The following NPHP4 variants were observed in gnomAD, a reference collection of about 807,000 sequenced individuals.
NPHP4 encodes the protein nephrocystin 4.
Under a neutral mutation model 155.8 loss-of-function variants are expected in NPHP4, and 151 were observed. The observed-to-expected ratio is 0.97, with a 90% confidence interval of 0.85 to 1.11. The LOEUF is 1.11. Ranked by LOEUF, NPHP4 falls within the 50% of genes least tolerant of loss-of-function variation. The pLI, the probability that NPHP4 is intolerant of heterozygous loss-of-function variation, is 0.00. For missense variants in NPHP4, 1,956 were observed against 1,925.7 expected (o/e 1.02, Z -0.29); for synonymous variants, 845 against 816.8 (o/e 1.03, Z -0.59).
At chr1:5,974,086 G>A (rs1041498972) in intron 3 of NPHP4, among the ~76,000 whole-genome samples, 1 of 152,228 alleles carries the variant, frequency 6.6e-6, no homozygotes. Context: ...GTTTCACGTG[G>A]GTTATGCTGA....
At chr1:5,895,566 T>C (rs1644354332) in intron 16 of NPHP4, among the ~76,000 whole-genome samples, 1 of 152,084 alleles carries the variant, frequency 6.6e-6, no homozygotes, top group African/African-American at 2.4e-5. Flanking sequence ...TATGGGACTG[T>C]AAAAATACCA....
At chr1:5,988,836 G>A (rs531277870) in intron 1 of NPHP4, among the ~76,000 whole-genome samples, 5 of 151,988 alleles carry the variant, frequency 3.3e-5, no homozygotes, top group Admixed American at 2.0e-4. Context: ...GCACCCAGAC[G>A]CTGCATCCTT....
rs12093500 is a variant in NPHP4, at chr1:5,905,764, G to C, written c.1631C>G (p.Ala544Gly). The change falls in exon 14 of 30, where the codon GCC (alanine) becomes GGC (glycine). Residue 544 changes from alanine (A) to glycine (G), a missense_variant. Transcript: ENST00000378156. The surrounding 1 kb of genome is among the most constrained non-coding windows in gnomAD (Gnocchi z 4.0). Reference sequence around the variant, plus strand: ...GTCGGCTTCCAGGTGGGAGATACCGGCCTCCAACGGGAACTCCTGCTGAAC... The same window carrying C: ...GTCGGCTTCCAGGTGGGAGATACCGCCCTCCAACGGGAACTCCTGCTGAAC... ...PAQAQEFPLE[A>G]GISHLEADLS... is the part of the protein sequence containing the mutation. The C allele has an allele frequency of 5.9e-3, 9,441 of 1,609,506 alleles. 313 individuals are homozygous for C. In the African/African-American group the frequency reaches 0.091, roughly 15 times the overall value.
At position 5,874,858 on chromosome 1, in the gene NPHP4, A is replaced by T. The variant is rs1405561739; in HGVS notation, c.3044+16T>A. ...AGATCTGGGCTGGGGCAGGACGGGC[A>T]CCACTGAGACCTCACCTGAGCTCGG... On this transcript the variant is annotated intron_variant, in intron 21 of 29. Coordinates refer to ENST00000378156, the MANE Select transcript of NPHP4 (RefSeq NM_015102.5). 3.1e-6 allele frequency: 5 copies of T among 1,608,052 alleles called. No homozygotes were observed. Among genetic ancestry groups the T allele is most frequent in the African/African-American group, 1.3e-5 (1 of 74,824 alleles).
In NPHP4 at chr1:5,867,356, T is replaced by C; in HGVS notation, c.3473-241A>G. The C allele has an allele frequency of 3.6e-6, 2 of 550,124 alleles. No homozygotes were observed. The highest frequency in any genetic ancestry group is 4.9e-5 in the South Asian group (2 of 40,562). 34.1% of individuals were successfully genotyped at this position (550,124 alleles called of 1,614,324 possible). Reference sequence around the variant, plus strand: ...CTGCAGCCATCTCCACAGGGAATAATCGAGGGGGCCACAAAAAAGAAAACA... The same window carrying C: ...CTGCAGCCATCTCCACAGGGAATAACCGAGGGGGCCACAAAAAAGAAAACA... On this transcript the variant is annotated intron_variant, in intron 24 of 29. Transcript: ENST00000378156. This position sits in a 1 kb window ranked among gnomAD's most constrained non-coding sequence, Gnocchi z 4.1.
In NPHP4 at chr1:5,969,223, T is replaced by C; in HGVS notation, c.316A>G (p.Ile106Val). 6.3e-7 allele frequency: 1 copy of C among 1,583,284 alleles called. No individual in the cohort carries two copies. Among genetic ancestry groups the C allele is most frequent in the Non-Finnish European group, 8.6e-7 (1 of 1,161,544 alleles). ...YFHTSLNHPH[I>V]VAVVEVVAEG... is the part of the protein sequence containing the mutation. ...GCGACCACTTCCACCACAGCCACGA[T>C]ATGAGGGTGGTTTAGGGATGTGTGA... is the stretch of plus-strand genomic sequence containing the variant. The change falls in exon 4 of 30, where the codon ATC (isoleucine) becomes GTC (valine). Residue 106 changes from isoleucine (I) to valine (V), a missense_variant. By Grantham distance (29) the Ile-to-Val change is conservative (BLOSUM62 3). Transcript: ENST00000378156.
intron 16 of NPHP4, among the ~76,000 whole-genome samples, chr1:5,902,598 A>T (rs1426513527): frequency 6.6e-6 from 1 of 151,972 alleles, no homozygotes; most frequent in Non-Finnish European, 1.5e-5. Context: ...CACTTATCAA[A>T]TTTTTTTCCT....
chr1:5,864,304 AT>A, intron 28 of NPHP4, 33 bp downstream of exon 28: 3 of 1,557,176 alleles, frequency 1.9e-6, no homozygotes, highest in Non-Finnish European at 2.6e-6. Flanking sequence ...TTGAGCCCCC[AT>A]CCCCTCAGCC....
In NPHP4 at chr1:5,969,265, G is replaced by C. The variant is rs532995236; in HGVS notation, c.280-6C>G. On this transcript the variant is annotated splice_polypyrimidine_tract_variant and splice_region_variant and intron_variant, in intron 3 of 29. Coordinates refer to ENST00000378156, the MANE Select transcript of NPHP4 (RefSeq NM_015102.5). Reference sequence around the variant, plus strand: ...GATGTGTGAAAATACAAGGGCTGCAGAACAGAAGCCAGAGGATGGTCTGAG... The same window carrying C: ...GATGTGTGAAAATACAAGGGCTGCACAACAGAAGCCAGAGGATGGTCTGAG... The C allele has an allele frequency of 2.8e-5, 43 of 1,537,356 alleles. No homozygotes were observed. In the East Asian group the frequency reaches 8.4e-4, roughly 30 times the overall value.
At chr1:5,895,064 T>G (rs1037472409) in intron 16 of NPHP4, among the ~76,000 whole-genome samples, 1 of 151,932 alleles carries the variant, frequency 6.6e-6, no homozygotes, top group Non-Finnish European at 1.5e-5. Flanking sequence ...ACCATCATTC[T>G]CAGCAAACTA....
In NPHP4 at chr1:5,888,000, G is replaced by A. The variant is rs74049303; in HGVS notation, c.2305-534C>T. Among the ~76,000 whole-genome samples the A allele has an allele frequency of 6.4e-3, 977 of 152,332 alleles. 4 individuals carry two copies. The highest frequency in any genetic ancestry group is 0.02 in the Middle Eastern group (6 of 294). ...CAGGGCACAGGGTACAGGGTACAAT[G>A]CCTCCCCCGTTTCCCTGGGCCAGGA... On this transcript the variant is annotated intron_variant, in intron 17 of 29. Transcript: ENST00000378156.
chr1:5,961,545 C>T (rs750695440), intron 6 of NPHP4, among the ~76,000 whole-genome samples: 8 of 152,202 alleles, frequency 5.3e-5, no homozygotes, highest in Non-Finnish European at 1.0e-4. Context: ...CTCACGAAAG[C>T]ATTTTCCCAA....
At chr1:5,974,342 A>C (rs943802239) in intron 3 of NPHP4, among the ~76,000 whole-genome samples, 7 of 152,092 alleles carry the variant, frequency 4.6e-5, no homozygotes, top group Non-Finnish European at 8.8e-5. Flanking sequence ...AATCACGAGG[A>C]TTCCTGCCCA....
chr1:5,982,665 T>C (rs1654896119), intron 2 of NPHP4, among the ~76,000 whole-genome samples: 1 of 152,260 alleles, frequency 6.6e-6, no homozygotes, highest in Admixed American at 6.5e-5. Flanking sequence ...TACCTTCTTC[T>C]TTTCTAATAT....
At chr1:5,907,697 G>A (rs1202432374) in intron 12 of NPHP4, among the ~76,000 whole-genome samples, 2 of 89,974 alleles carry the variant, frequency 2.2e-5, no homozygotes, top group Non-Finnish European at 4.3e-5. Flanking sequence ...GTGCCAACGT[G>A]GCATTACCGT....
intron 16 of NPHP4, among the ~76,000 whole-genome samples, chr1:5,895,724 A>G (rs1381797670): frequency 6.6e-6 from 1 of 152,338 alleles, no homozygotes; most frequent in East Asian, 1.9e-4. Flanking sequence ...TCCCCTTTCC[A>G]GAACCAGAAA....
At chr1:5,927,441 A>G (rs1056312119) in intron 11 of NPHP4, among the ~76,000 whole-genome samples, 3 of 152,220 alleles carry the variant, frequency 2.0e-5, no homozygotes, top group African/African-American at 7.2e-5. Context: ...GGGCTGAAGC[A>G]CAAGCTTCTG....
chr1:5,896,802 G>C (rs955654816), intron 16 of NPHP4, among the ~76,000 whole-genome samples: 3 of 152,172 alleles, frequency 2.0e-5, no homozygotes, highest in African/African-American at 7.2e-5. Flanking sequence ...TGGCGGCAGG[G>C]AGAGCACAAG....
At chr1:5,877,444 G>T in intron 19 of NPHP4, 146 bp from the exon 20 acceptor site, 1 of 522,020 alleles carries the variant, frequency 1.9e-6, no homozygotes, top group Non-Finnish European at 3.4e-6. Flanking sequence ...AATCTGCAGA[G>T]TTCTGAGATC....
Sources: allele counts gnomAD v4.1 joint callset (sites outside exome capture counted in the v4.1 genomes callset), GRCh38; gene constraint gnomAD v4.1.1; non-coding constraint Gnocchi (gnomAD v3.1); transcripts MANE v1.5; gene names NCBI Gene and HGNC (gene_info 2026-07-23, HGNC 2026-07-21).